PLA2G4C: variants seen among roughly 807,000 people sequenced by gnomAD.
PLA2G4C encodes the protein cytosolic phospholipase A2 gamma.
A neutral mutation model predicts 73.8 loss-of-function variants in PLA2G4C; 64 were observed. The observed-to-expected ratio is 0.87, with a 90% confidence interval of 0.71 to 1.07. The LOEUF (loss-of-function observed/expected upper bound fraction) is 1.07, where lower values mean the gene tolerates loss of function less well. Ranked by LOEUF, PLA2G4C falls within the 50% of genes least tolerant of loss-of-function variation. The pLI is 0.00. For missense variants in PLA2G4C, 622 were observed against 665.4 expected, an observed-to-expected ratio of 0.93 and a Z score of 0.72; for synonymous variants, 254 against 252.1, an observed-to-expected ratio of 1.01 and a Z score of -0.07.
intron 8 of PLA2G4C, among the ~76,000 whole-genome samples, chr19:48,089,859 T>C (rs934662622): frequency 2.0e-5 from 3 of 152,104 alleles, no homozygotes; most frequent in Non-Finnish European, 4.4e-5. Flanking sequence ...TGACCAGCAG[T>C]GTGGGTGAGT....
At chr19:48,066,179 C>T (rs1048594884) in intron 13 of PLA2G4C, among the ~76,000 whole-genome samples, 11 of 152,098 alleles carry the variant, frequency 7.2e-5, no homozygotes, top group Admixed American at 2.6e-4. Context: ...GCATGTCCGA[C>T]CCCCACTTCC....
In PLA2G4C at chr19:48,098,257, C is replaced by T; in HGVS notation, c.450G>A (p.Leu150=). 1.2e-6 allele frequency: 2 copies of T among 1,611,250 alleles called. No homozygotes were observed. The highest frequency in any genetic ancestry group is 1.3e-5 in the African/African-American group (1 of 74,884). ...YMVISKQTRE[L]PESHLSNMKK... ...TCATATTGGACAAATGAGACTCCGG[C>T]AGCTTTGGGAGAAGGTGCCAAGACA... The change falls in exon 6 of 17, where the codon CTG becomes CTA. Residue 150 remains leucine (L), a splice_region_variant and synonymous_variant. Transcript: ENST00000599921.
At chr19:48,090,306 GA>G (rs1439877212) in intron 8 of PLA2G4C, 57 bp downstream of exon 8, 2 of 1,196,602 alleles carry the variant, frequency 1.7e-6, no homozygotes, top group African/African-American at 3.0e-5. Flanking sequence ...AAAGTACTGT[GA>G]ATCTCCTTGC....
rs144729548 is a variant in PLA2G4C, at chr19:48,060,276, C to T, written c.1257+1722G>A. 4.6e-3 allele frequency among the ~76,000 whole-genome samples: 707 copies of T among 152,146 alleles called. 6 individuals are homozygous for T. Among genetic ancestry groups the T allele is most frequent in the African/African-American group, 0.016 (677 of 41,516 alleles). The stretch of plus-strand genomic sequence containing the variant: ...AATTACGAATAAGGTCTTTGACATG[C>T]ATTTTCCATACTCGGTCATTAAAAT... On this transcript the variant is annotated intron_variant, in intron 14 of 16. Coordinates refer to ENST00000599921, the MANE Select transcript of PLA2G4C (RefSeq NM_003706.3).
At chr19:48,067,411 G>T (rs1347311762) in intron 13 of PLA2G4C, among the ~76,000 whole-genome samples, 3 of 151,912 alleles carry the variant, frequency 2.0e-5, no homozygotes, top group African/African-American at 4.8e-5. Flanking sequence ...CAAGTGATCC[G>T]CCCGCCTCAG....
chr19:48,079,014 G>A (rs757592110), intron 10 of PLA2G4C, among the ~76,000 whole-genome samples: 11 of 151,970 alleles, frequency 7.2e-5, no homozygotes, highest in East Asian at 3.9e-4. Context: ...GATTACAGGC[G>A]CATGCACCAT....
chr19:48,058,227 A>G (rs1184029280), intron 14 of PLA2G4C, among the ~76,000 whole-genome samples: 2 of 151,820 alleles, frequency 1.3e-5, no homozygotes, highest in Non-Finnish European at 2.9e-5. Flanking sequence ...TGAACCTGGA[A>G]GGTGGAGGTT....
At chr19:48,100,688 T>C (rs2031858396) in intron 4 of PLA2G4C, among the ~76,000 whole-genome samples, 1 of 140,308 alleles carries the variant, frequency 7.1e-6, no homozygotes, top group South Asian at 2.4e-4. Context: ...GGTGTGCGGA[T>C]CACGAGGTCA....
chr19:48,110,548 C>CGGAGGCTTGGGCTCCGGAATCCGGTGG lies in PLA2G4C; in HGVS notation c.-95_-94insCCACCGGATTCCGGAGCCCAAGCCTCC, dbSNP rs1568461681. On this transcript the variant is annotated 5_prime_UTR_variant, in exon 1 of 17. Coordinates refer to ENST00000599921, the MANE Select transcript of PLA2G4C (RefSeq NM_003706.3). ...GGAGCTTGTGCTCCGGAATCCGGTG[C>CGGAGGCTTGGGCTCCGGAATCCGGTGG]GGAGGCTTGGGCTCCCTGCGCTTAG... is the stretch of plus-strand genomic sequence containing the variant. 24 of 1,526,900 alleles carry CGGAGGCTTGGGCTCCGGAATCCGGTGG rather than the reference C, an allele frequency of 1.6e-5. No homozygotes were observed. Among genetic ancestry groups the CGGAGGCTTGGGCTCCGGAATCCGGTGG allele is most frequent in the Non-Finnish European group, 1.6e-5 (18 of 1,140,302 alleles). 94.6% of individuals were successfully genotyped at this position (1,526,900 alleles called of 1,614,324 possible). A position where few individuals can be genotyped will look rare whatever the true frequency, so the allele number is the denominator to read the frequency against.
intron 14 of PLA2G4C, 25 bp from the exon 15 acceptor site, chr19:48,055,074 G>A (rs765615157): frequency 1.3e-6 from 2 of 1,574,434 alleles, no homozygotes; most frequent in Non-Finnish European, 1.7e-6. Flanking sequence ...ATAAGAAATG[G>A]TTGCAAGACC....
At position 48,083,672 on chromosome 19, in the gene PLA2G4C, C is replaced by G. The variant is rs190860499; in HGVS notation, c.844+1387G>C. ...ACGTTGGTCAGGCTGGTCTCAAACTCCTGACCTCAGGTGATCTGCCCACCT... is the reference window on the plus strand; with the variant it reads ...ACGTTGGTCAGGCTGGTCTCAAACTGCTGACCTCAGGTGATCTGCCCACCT... On this transcript the variant is annotated intron_variant, in intron 10 of 16. Transcript: ENST00000599921. Among the ~76,000 whole-genome samples the G allele has an allele frequency of 2.6e-5, 4 of 152,020 alleles. No individual in the cohort carries two copies. The East Asian group carries it at 5.8e-4, about 22-fold the overall frequency.
Position 48,052,943 on chromosome 19 carries a change from C to T in PLA2G4C, c.1580+54G>A, listed in dbSNP as rs576248817. On this transcript the variant is annotated intron_variant, in intron 16 of 16. Transcript: ENST00000599921. ...GCCTGTTGCAGAGAAAGTTCTCCAA[C>T]AGATACTTACTGAACGAGCATAGGC... 1.9e-5 allele frequency: 29 copies of T among 1,551,088 alleles called. No homozygotes were observed. The South Asian group carries it at 3.2e-4, about 17-fold the overall frequency.
At chr19:48,062,471 G>A (rs1422063266) in intron 13 of PLA2G4C, among the ~76,000 whole-genome samples, 3 of 152,030 alleles carry the variant, frequency 2.0e-5, no homozygotes, top group East Asian at 1.9e-4. Context: ...TTAGCCAGGC[G>A]TGGTGGCGGG....
intron 4 of PLA2G4C, among the ~76,000 whole-genome samples, chr19:48,103,008 A>G (rs576754157): frequency 6.6e-6 from 1 of 152,300 alleles, no homozygotes; most frequent in East Asian, 1.9e-4. Context: ...AGCTCCAGGA[A>G]CTAACCCAAA....
intron 15 of PLA2G4C, among the ~76,000 whole-genome samples, chr19:48,053,551 T>A (rs978049992): frequency 1.1e-4 from 16 of 152,006 alleles, no homozygotes; most frequent in African/African-American, 3.4e-4. Context: ...TTGTATTTTT[T>A]AATAGAGACG....
intron 6 of PLA2G4C, 144 bp from the exon 7 acceptor site, chr19:48,095,748 TG>T: frequency 1.2e-6 from 1 of 847,228 alleles, no homozygotes. Context: ...CAGAAACCAC[TG>T]GGGATCTCAT....
intron 4 of PLA2G4C, among the ~76,000 whole-genome samples, chr19:48,101,267 AC>A (rs1256004611): frequency 6.7e-6 from 1 of 150,350 alleles, no homozygotes; most frequent in African/African-American, 2.4e-5. Flanking sequence ...TGGGACCACT[AC>A]CCACCAGGTG....
intron 14 of PLA2G4C, chr19:48,061,260 C>T (rs1450240953): frequency 6.6e-6 from 1 of 150,512 alleles, no homozygotes; most frequent in Non-Finnish European, 1.5e-5. Flanking sequence ...AAGACCCAGT[C>T]TCGAAAGGAG....
intron 9 of PLA2G4C, among the ~76,000 whole-genome samples, chr19:48,087,164 G>A (rs1361280427): frequency 3.9e-5 from 6 of 152,228 alleles, no homozygotes; most frequent in African/African-American, 1.4e-4. Flanking sequence ...AATCTGGACA[G>A]CAGGACTTGA....
Sources: gnomAD v4.1 joint callset for allele counts (sites outside exome capture counted in the v4.1 genomes callset) on GRCh38, gnomAD v4.1.1 for gene constraint, MANE v1.5 for transcripts, NCBI Gene and HGNC (gene_info 2026-07-23, HGNC 2026-07-21) for gene names.